Variants in QRICH2 observed in about 807,000 individuals in gnomAD.
QRICH2 encodes glutamine-rich protein 2.
In QRICH2, 119 loss-of-function variants were observed where a neutral mutation model predicts 168.3. The ratio of observed to expected loss-of-function variants is 0.71; its 90% CI spans 0.61 to 0.82. The LOEUF is 0.82. QRICH2 is among the 40% of genes least tolerant of loss of function. The pLI is 0.00. For missense variants in QRICH2, 2,241 were observed against 2,491.6 expected, an observed-to-expected ratio of 0.90 and a Z score of 2.14; for synonymous variants, 894 against 951.2, an observed-to-expected ratio of 0.94 and a Z score of 1.11.
In QRICH2 at chr17:76,297,870, G is replaced by GTTTTTTTTTTTTT. The variant is rs1169251679; in HGVS notation, c.706-3862_706-3850dup. ...AGTAGCTAGGACTACTTAGGAATCT[G>GTTTTTTTTTTTTT]TTTTTTTTTTTTTTTTTTTTTTTTT... On this transcript the variant is annotated intron_variant, in intron 3 of 18. Coordinates refer to ENST00000680821, the MANE Select transcript of QRICH2 (RefSeq NM_001388453.1). 3.1e-3 allele frequency among the ~76,000 whole-genome samples: 247 copies of GTTTTTTTTTTTTT among 79,488 alleles called. 19 individuals carry two copies. The highest frequency in any genetic ancestry group is 4.8e-3 in the African/African-American group (88 of 18,490). 52.1% of individuals were successfully genotyped at this position (79,488 alleles called of 152,430 possible).
intron 18 of QRICH2, 47 bp from the exon 19 acceptor site, chr17:76,274,307 AC>A: frequency 6.5e-6 from 10 of 1,544,802 alleles, no homozygotes; most frequent in Non-Finnish European, 8.7e-6. Context: ...CCCCAAGCCC[AC>A]CAGGGGTCAC....
At chr17:76,279,811 GAGCCTTA>G (rs2070753301) in intron 12 of QRICH2, among the ~76,000 whole-genome samples, 1 of 152,204 alleles carries the variant, frequency 6.6e-6, no homozygotes, top group Admixed American at 6.5e-5. Context: ...CAAACCCTGA[GAGCCTTA>G]AGCCTCCCCT....
chr17:76,304,226 T>C (rs2070952393), intron 3 of QRICH2, among the ~76,000 whole-genome samples, 189 bp downstream of exon 3: 1 of 152,230 alleles, frequency 6.6e-6, no homozygotes, highest in Admixed American at 6.5e-5. Flanking sequence ...CATCCCTTTC[T>C]AGGGATGCAT....
chr17:76,280,737 G>A lies in QRICH2; in HGVS notation c.4387-9C>T. On this transcript the variant is annotated splice_polypyrimidine_tract_variant and intron_variant, in intron 9 of 18. Coordinates refer to ENST00000680821, the MANE Select transcript of QRICH2 (RefSeq NM_001388453.1). The surrounding 1 kb of genome is among the most constrained non-coding windows in gnomAD (Gnocchi z 7.4). ...AGACCCTGGTACAGCATCTGGGGAG[G>A]CCAAGTGAACAGAGAAAAAAAGAGC... 1 of 1,614,132 alleles carries A rather than the reference G, an allele frequency of 6.2e-7. No individual in the cohort carries two copies.
At chr17:76,299,566 G>A (rs2070861272) in intron 3 of QRICH2, among the ~76,000 whole-genome samples, 1 of 151,900 alleles carries the variant, frequency 6.6e-6, no homozygotes, top group Admixed American at 6.6e-5. Flanking sequence ...GTGAAACCCT[G>A]TCCCTAGTAA....
chr17:76,293,050 G>A lies in QRICH2; in HGVS notation c.1677C>T (p.Gly559=), dbSNP rs1568120002. ...GFVQPSLEAT[G]FIQPGTEQHD... Reference sequence around the variant, plus strand: ...GCTGCTCTGTGCCAGGTTGTATGAAGCCAGTTGCTTCCAAACTGGGCTGCA... The same window carrying A: ...GCTGCTCTGTGCCAGGTTGTATGAAACCAGTTGCTTCCAAACTGGGCTGCA... The change falls in exon 4 of 19, where the codon GGC becomes GGT. Residue 559 remains glycine, a synonymous_variant. Coordinates refer to ENST00000680821, the MANE Select transcript of QRICH2 (RefSeq NM_001388453.1). The A allele has an allele frequency of 3.1e-6, 5 of 1,614,200 alleles. No individual in the cohort carries two copies. Among genetic ancestry groups the A allele is most frequent in the African/African-American group, 1.3e-5 (1 of 75,058 alleles).
rs770066597 is a variant in QRICH2, at chr17:76,292,816, C to A, written c.1911G>T (p.Gln637His). 5.0e-6 allele frequency: 8 copies of A among 1,613,810 alleles called. No homozygotes were observed. In the South Asian group the frequency reaches 7.7e-5, roughly 16 times the overall value. The change falls in exon 4 of 19, where the codon CAG becomes CAT. Residue 637 changes from glutamine (Q) to histidine (H), a missense_variant. Transcript: ENST00000680821. ...CTGTGCCAGGCTGGATCAAACCATG[C>A]TGATCTCTACCAGGTTGGGCCAAAC... Reference protein sequence around the residue: ...QSGLAQPGRDQHGLIQPGTGQ... With the variant: ...QSGLAQPGRDHHGLIQPGTGQ...
intron 7 of QRICH2, among the ~76,000 whole-genome samples, 180 bp from the exon 8 acceptor site, chr17:76,282,295 TAG>T (rs2070804460): frequency 6.6e-6 from 1 of 151,986 alleles, no homozygotes; most frequent in African/African-American, 2.4e-5. Context: ...AAACGGTGAG[TAG>T]AGAGAGTTCT....
chr17:76,293,762 G>C lies in QRICH2; in HGVS notation c.965C>G (p.Ala322Gly). The change falls in exon 4 of 19, where the codon GCT becomes GGT. Residue 322 changes from alanine to glycine, a missense_variant. Ala to Gly is a moderately conservative substitution (Grantham distance 60). Around this residue, in one of 3 missense-constraint regions of QRICH2, gnomAD observed 2,047 missense variants for 2,303.8 expected, o/e 0.89. Transcript: ENST00000680821. ...RQQQPRARDE[A>G]GVPRLHQSST... Reference sequence around the variant, plus strand: ...AGACTGATGGAGTCGTGGCACGCCAGCTTCATCACGGGCCCTCGGCTGCTG... The same window carrying C: ...AGACTGATGGAGTCGTGGCACGCCACCTTCATCACGGGCCCTCGGCTGCTG... 1.2e-6 allele frequency: 2 copies of C among 1,614,072 alleles called. No homozygotes were observed. The highest frequency in any genetic ancestry group is 1.7e-6 in the Non-Finnish European group (2 of 1,179,978).
chr17:76,279,522 C>T, intron 12 of QRICH2, 94 bp from the exon 13 acceptor site: 3 of 945,340 alleles, frequency 3.2e-6, no homozygotes, highest in Non-Finnish European at 3.3e-6. Flanking sequence ...GCTCAGCCCA[C>T]CAGGGTGCAG....
chr17:76,307,450 C>T lies in QRICH2; in HGVS notation c.534+15G>A, dbSNP rs763150153. On this transcript the variant is annotated intron_variant, in intron 1 of 18. Transcript: ENST00000680821. This position sits in a 1 kb window ranked among gnomAD's most constrained non-coding sequence, Gnocchi z 5.3. ...GAGGCAGACGGCCTGCGCGTGCCTC[C>T]GTGTGCGTGCTCACCCTGGCAAAGC... 4 of 1,613,284 alleles carry T rather than the reference C, an allele frequency of 2.5e-6. No homozygotes were observed. Among genetic ancestry groups the T allele is most frequent in the East Asian group, 2.2e-5 (1 of 44,860 alleles).
Position 76,276,720 on chromosome 17 carries a change from T to A in QRICH2, c.5313A>T (p.Gly1771=). ...TGCCTGGCAGCCTTGTGTCCATCCGTCCCTTGTAAATGTGGCCATCCAGGC... is the reference window on the plus strand; with the variant it reads ...TGCCTGGCAGCCTTGTGTCCATCCGACCCTTGTAAATGTGGCCATCCAGGC... ...ILGLDGHIYK[G]RMDTRLPGIL... Residue 1771 remains glycine (G), a synonymous_variant, in exon 17 of 19, where the codon GGA becomes GGT. Coordinates refer to ENST00000680821, the MANE Select transcript of QRICH2 (RefSeq NM_001388453.1). The A allele has an allele frequency of 6.2e-7, 1 of 1,613,800 alleles. No individual in the cohort carries two copies. The highest frequency in any genetic ancestry group is 1.7e-5 in the Admixed American group (1 of 60,022).
At chr17:76,290,389 T>A (rs954315140) in intron 4 of QRICH2, among the ~76,000 whole-genome samples, 6 of 152,086 alleles carry the variant, frequency 3.9e-5, no homozygotes, top group African/African-American at 1.2e-4. Flanking sequence ...ATGTTAAGTT[T>A]TGTTTTGTTT....
In QRICH2 at chr17:76,304,862, A is replaced by G; in HGVS notation, c.594+20T>C. 1 of 1,582,964 alleles carries G rather than the reference A, an allele frequency of 6.3e-7. No individual in the cohort carries two copies. Among genetic ancestry groups the G allele is most frequent in the Non-Finnish European group, 8.7e-7 (1 of 1,151,754 alleles). ...CCAGCCCCCTGGAGAGCCCTTTCCC[A>G]TGGAACTGGCTGGTATTACCAGGAA... On this transcript the variant is annotated intron_variant, in intron 2 of 18. Coordinates refer to ENST00000680821, the MANE Select transcript of QRICH2 (RefSeq NM_001388453.1).
At position 76,280,526 on chromosome 17, in the gene QRICH2, C is replaced by T. The variant is rs2070767823; in HGVS notation, c.4462-75G>A. ...GGGCCCCATTCCCTGGGGGTGTCGA[C>T]CCCTATCACCAGGCAGGTTTCTGAG... On this transcript the variant is annotated intron_variant, in intron 10 of 18. Coordinates refer to ENST00000680821, the MANE Select transcript of QRICH2 (RefSeq NM_001388453.1). This position sits in a 1 kb window ranked among gnomAD's most constrained non-coding sequence, Gnocchi z 7.4. 1.3e-6 allele frequency: 2 copies of T among 1,592,278 alleles called. No homozygotes were observed. Among genetic ancestry groups the T allele is most frequent in the Admixed American group, 1.7e-5 (1 of 58,920 alleles).
chr17:76,301,720 T>TTTTTTTTTTTTTA (rs1598503364), intron 3 of QRICH2, among the ~76,000 whole-genome samples: 1 of 149,272 alleles, frequency 6.7e-6, no homozygotes, highest in Non-Finnish European at 1.5e-5. Flanking sequence ...TTTTTTTTTT[T>TTTTTTTTTTTTTA]GAGACAGGGT....
chr17:76,277,289 G>T lies in QRICH2; in HGVS notation c.5139C>A (p.Tyr1713Ter), dbSNP rs765422961. 6.2e-7 allele frequency: 1 copy of T among 1,608,896 alleles called. No homozygotes were observed. The highest frequency in any genetic ancestry group is 8.5e-7 in the Non-Finnish European group (1 of 1,178,532). The stretch of plus-strand genomic sequence containing the variant: ...AGCGCCGGGGCACAGTTGAGTAGGT[G>T]TAATCAGCCATATCTGTCACCCTGT... ...CYKRVTDMAD[Y>*]TYSTVPRRCG... The change falls in exon 16 of 19, where the codon TAC becomes TAA. Residue 1713 changes from tyrosine to a stop codon, truncating the protein, a stop_gained. Transcript: ENST00000680821. LOFTEE classifies it high-confidence loss of function.
At chr17:76,275,765 C>CCG (rs2070663604) in intron 18 of QRICH2, 54 bp downstream of exon 18, 2 of 1,580,846 alleles carry the variant, frequency 1.3e-6, no homozygotes, top group African/African-American at 2.7e-5. Context: ...GGAAAGGGGG[C>CCG]CGGCAGGGCC....
chr17:76,304,964 G>T, intron 1 of QRICH2, 23 bp from the exon 2 acceptor site: 1 of 1,576,792 alleles, frequency 6.3e-7, no homozygotes, highest in Non-Finnish European at 8.7e-7. Flanking sequence ...TTCAGGAAAG[G>T]AGAATGACAG....
Sources: gnomAD v4.1 joint callset for allele counts (sites outside exome capture counted in the v4.1 genomes callset) on GRCh38, gnomAD v4.1.1 for gene constraint, gnomAD v4.1.1 regional missense constraint, Gnocchi (gnomAD v3.1) non-coding constraint, MANE v1.5 for transcripts, NCBI Gene and HGNC (gene_info 2026-07-23, HGNC 2026-07-21) for gene names.